Variants in ITGA1 observed in about 807,000 individuals in gnomAD.
The protein encoded by ITGA1 is integrin alpha-1.
Under a neutral mutation model 145.9 loss-of-function variants are expected in ITGA1, and 85 were observed. The observed-to-expected ratio is 0.58, with a 90% confidence interval of 0.49 to 0.70. ITGA1 has a LOEUF of 0.70. Among genes scored for constraint, ITGA1 ranks in the 30% least tolerant of loss-of-function variants. The pLI, the probability that ITGA1 is intolerant of heterozygous loss-of-function variation, is 0.00. For synonymous variants in ITGA1, 520 were observed against 495.3 expected (o/e 1.05, Z -0.66); for missense variants, 1,351 against 1,418.7 (o/e 0.95, Z 0.77).
At position 52,905,569 on chromosome 5, in the gene ITGA1, A is replaced by T. The variant is rs1750387864; in HGVS notation, c.1310-194A>T. The T allele has an allele frequency of 1.0e-5, 4 of 382,400 alleles. No homozygotes were observed. The East Asian group carries it at 1.5e-4, about 15-fold the overall frequency. 23.7% of individuals were successfully genotyped at this position (382,400 alleles called of 1,614,324 possible). On this transcript the variant is annotated intron_variant, in intron 11 of 28. Coordinates refer to ENST00000282588, the MANE Select transcript of ITGA1 (RefSeq NM_181501.2). ...GGGGGAAAATAACTTCTCAGGAGAA[A>T]GCAGTTGTGGTAGATAGAGAGCATA...
intron 1 of ITGA1, 23 bp downstream of exon 1, chr5:52,788,437 A>T: frequency 6.7e-7 from 1 of 1,493,298 alleles, no homozygotes; most frequent in Non-Finnish European, 8.9e-7. Flanking sequence ...CTTTTCTCTG[A>T]GCATCTCCTG....
intron 6 of ITGA1, among the ~76,000 whole-genome samples, chr5:52,881,590 T>C (rs1749960638): frequency 6.6e-6 from 1 of 152,258 alleles, no homozygotes; most frequent in Non-Finnish European, 1.5e-5. Flanking sequence ...GTGTGTTTCA[T>C]ATTCTACCCA....
chr5:52,833,096 G>A (rs1749103251), intron 1 of ITGA1, among the ~76,000 whole-genome samples: 1 of 151,970 alleles, frequency 6.6e-6, no homozygotes, highest in Non-Finnish European at 1.5e-5. Context: ...GGAGGCTGAT[G>A]TGGGAGGATC....
intron 14 of ITGA1, among the ~76,000 whole-genome samples, chr5:52,912,417 G>T (rs1330078218): frequency 6.9e-6 from 1 of 144,742 alleles, no homozygotes; most frequent in Non-Finnish European, 1.5e-5. Context: ...TATATATAGT[G>T]TATCCACTAT....
rs987937767 is a variant in ITGA1, at chr5:52,957,078, C to A, written c.*4627C>A. On this transcript the variant is annotated 3_prime_UTR_variant, in exon 29 of 29. Transcript: ENST00000282588. ...AACTGTAACATTGTAATCGGACGAA[C>A]AAATCAGCATCTTTGATCCTCAGGT... 1 of 152,134 alleles carries A rather than the reference C, an allele frequency of 6.6e-6. No homozygotes were observed. Among genetic ancestry groups the A allele is most frequent in the Non-Finnish European group, 1.5e-5 (1 of 68,014 alleles). 9.4% of individuals were successfully genotyped at this position (152,134 alleles called of 1,614,324 possible). A position where few individuals can be genotyped will look rare whatever the true frequency, so the allele number is the denominator to read the frequency against.
rs773508583 is a variant in ITGA1 at position 52,801,631 on chromosome 5, C to T, written c.61+13217C>T. 3.7e-6 allele frequency: 6 copies of T among 1,613,990 alleles called. No individual in the cohort carries two copies. The African/African-American group carries it at 5.3e-5, about 14-fold the overall frequency. ...TGACACATTGCTCATCAGCGATGAGCTCTTCAGGCATCAGGATGTAGCCAC... is the reference window on the plus strand; with the variant it reads ...TGACACATTGCTCATCAGCGATGAGTTCTTCAGGCATCAGGATGTAGCCAC... On this transcript the variant is annotated intron_variant, in intron 1 of 28. Transcript: ENST00000282588.
At chr5:52,818,410 C>G (rs1025617475) in intron 1 of ITGA1, among the ~76,000 whole-genome samples, 3 of 152,152 alleles carry the variant, frequency 2.0e-5, no homozygotes, top group African/African-American at 7.2e-5. Flanking sequence ...ATCCATTACA[C>G]AAATGGCCAA....
intron 6 of ITGA1, among the ~76,000 whole-genome samples, chr5:52,869,892 G>T (rs1749752875): frequency 6.6e-6 from 1 of 151,882 alleles, no homozygotes; most frequent in Admixed American, 6.6e-5. Context: ...TCTCTAAAAT[G>T]AAGAGATTGG....
chr5:52,865,590 G>A, intron 5 of ITGA1, 100 bp from the exon 6 acceptor site: 1 of 972,304 alleles, frequency 1.0e-6, no homozygotes, highest in African/African-American at 1.7e-5. Flanking sequence ...GAGAACATCA[G>A]TTCATCTTTT....
chr5:52,839,935 C>T (rs1749226694), intron 1 of ITGA1, among the ~76,000 whole-genome samples: 1 of 152,154 alleles, frequency 6.6e-6, no homozygotes, highest in African/African-American at 2.4e-5. Context: ...CAAAAGCTCA[C>T]ATCCAAGTCA....
At chr5:52,905,939 T>C (rs1378449957) in intron 12 of ITGA1, 31 bp downstream of exon 12, 2 of 1,583,196 alleles carry the variant, frequency 1.3e-6, no homozygotes, top group African/African-American at 2.7e-5. Context: ...TTTATTTAAA[T>C]TAATCTATTC....
At chr5:52,905,686 A>G (rs1414713123) in intron 11 of ITGA1, 77 bp from the exon 12 acceptor site, 6 of 1,197,382 alleles carry the variant, frequency 5.0e-6, no homozygotes, top group Non-Finnish European at 7.0e-6. Context: ...TATCTTGGCC[A>G]TTTAAAAAGA....
At chr5:52,824,345 G>A (rs1580049041) in intron 1 of ITGA1, 5 of 149,822 alleles carry the variant, frequency 3.3e-5, no homozygotes, top group Admixed American at 1.3e-4. Flanking sequence ...AGGCTGGAGC[G>A]GAATGGCATG....
At chr5:52,943,915 G>A (rs141895551) in intron 26 of ITGA1, among the ~76,000 whole-genome samples, 249 of 152,274 alleles carry the variant, frequency 1.6e-3, no homozygotes, top group African/African-American at 5.7e-3. Flanking sequence ...GTCCTCCCAG[G>A]TCACAGGGAA....
At chr5:52,881,743 A>C in intron 6 of ITGA1, 130 bp from the exon 7 acceptor site, 2 of 677,620 alleles carry the variant, frequency 3.0e-6, no homozygotes, top group Admixed American at 2.8e-5. Flanking sequence ...GTCAAAATAG[A>C]AGCATTTGTG....
rs1269342748 is a variant in ITGA1 at position 52,955,374 on chromosome 5, TAGATAGATA to T, written c.*2924_*2932del. Reference sequence around the variant, plus strand: ...ATAGATAGATAGATAGATAGATAGATAGATAGATAGATAGATAGATATTGATAGAGAACA... The same window carrying T: ...ATAGATAGATAGATAGATAGATAGATGATAGATAGATATTGATAGAGAACA... On this transcript the variant is annotated 3_prime_UTR_variant, in exon 29 of 29. Transcript: ENST00000282588. 1 of 151,710 alleles carries T rather than the reference TAGATAGATA, an allele frequency of 6.6e-6. No homozygotes were observed. Among genetic ancestry groups the T allele is most frequent in the African/African-American group, 2.4e-5 (1 of 41,230 alleles). The allele number at this position is 151,710 out of a possible 1,614,324, so 9.4% of individuals were successfully genotyped here.
rs141906941 is a variant in ITGA1, at chr5:52,958,898, C to T, written c.*6447C>T. 1.3e-5 allele frequency: 2 copies of T among 152,110 alleles called. No homozygotes were observed. The highest frequency in any genetic ancestry group is 4.8e-5 in the African/African-American group (2 of 41,498). 9.4% of individuals were successfully genotyped at this position (152,110 alleles called of 1,614,324 possible). On this transcript the variant is annotated 3_prime_UTR_variant, in exon 29 of 29. Transcript: ENST00000282588. ...ATAAACTCATTAGAAGAAAATGTTT[C>T]GATTGCATTCAGGAACAAAGAAGCA...
intron 14 of ITGA1, among the ~76,000 whole-genome samples, chr5:52,910,910 T>C (rs1272688152): frequency 7.2e-6 from 1 of 139,296 alleles, no homozygotes; most frequent in Non-Finnish European, 1.5e-5. Flanking sequence ...ATATACGGTA[T>C]GTATACTATA....
rs985250836 is a variant in ITGA1, at chr5:52,925,308, G to C, written c.2434G>C (p.Glu812Gln). ...CTTTGCCAAAGATTGTGGAAATAAG[G>C]AAAAATGTATCTCAGACCTCAGCCT... ...IPFAKDCGNKEKCISDLSLHV... is the reference protein window; with the variant it reads ...IPFAKDCGNKQKCISDLSLHV... The change falls in exon 19 of 29, where the codon GAA becomes CAA. Residue 812 changes from glutamate (E) to glutamine (Q), a missense_variant. Physicochemically the swap from Glu to Gln is conservative, Grantham distance 29 (BLOSUM62 2). Transcript: ENST00000282588. 1.9e-6 allele frequency: 3 copies of C among 1,613,888 alleles called. No homozygotes were observed. The highest frequency in any genetic ancestry group is 1.7e-5 in the Admixed American group (1 of 59,986).
Sources: gnomAD v4.1 joint callset for allele counts (sites outside exome capture counted in the v4.1 genomes callset) on GRCh38, gnomAD v4.1.1 for gene constraint, MANE v1.5 for transcripts, NCBI Gene and HGNC (gene_info 2026-07-23, HGNC 2026-07-21) for gene names.